Variants in SLC9A9 observed in about 807,000 individuals in gnomAD.
SLC9A9 encodes solute carrier family 9 member A9, also known as sodium/hydrogen exchanger 9.
SLC9A9 carries 62 observed loss-of-function variants against 77.8 expected under a neutral mutation model. The observed-to-expected ratio is 0.80, with a 90% CI of 0.65 to 0.98. The LOEUF (loss-of-function observed/expected upper bound fraction) is 0.98. SLC9A9 is among the 50% of genes least tolerant of loss of function. SLC9A9 has a pLI of 0.00. For synonymous variants in SLC9A9, 320 were observed against 283.5 expected, an observed-to-expected ratio of 1.13 and a Z score of -1.29; for missense variants, 775 against 774.9, an observed-to-expected ratio of 1.00 and a Z score of 0.00.
At position 143,686,222 on chromosome 3, in the gene SLC9A9, G is replaced by A. The variant is rs190824694; in HGVS notation, c.649+6970C>T. Reference sequence around the variant, plus strand: ...GTTGTATTAATTCACTGATTTAACAGGTATTTATTAAAAGCTCGCTGTTCT... The same window carrying A: ...GTTGTATTAATTCACTGATTTAACAAGTATTTATTAAAAGCTCGCTGTTCT... On this transcript the variant is annotated intron_variant, in intron 5 of 15. Transcript: ENST00000316549. 5.3e-5 allele frequency among the ~76,000 whole-genome samples: 8 copies of A among 152,190 alleles called. No individual in the cohort carries two copies. The East Asian group carries it at 1.5e-3, about 29-fold the overall frequency.
chr3:143,304,319 C>G (rs2030678475), intron 14 of SLC9A9, among the ~76,000 whole-genome samples: 1 of 152,204 alleles, frequency 6.6e-6, no homozygotes, highest in Admixed American at 6.5e-5. Context: ...CTGAGCCATC[C>G]AAGAAACACC....
chr3:143,320,612 A>G (rs2031383609), intron 14 of SLC9A9, among the ~76,000 whole-genome samples: 1 of 152,168 alleles, frequency 6.6e-6, no homozygotes, highest in Non-Finnish European at 1.5e-5. Flanking sequence ...GAACTACCAG[A>G]GGCAGAACTC....
intron 6 of SLC9A9, among the ~76,000 whole-genome samples, chr3:143,602,394 G>T (rs1459866235): frequency 2.0e-5 from 3 of 152,182 alleles, no homozygotes; most frequent in Non-Finnish European, 2.9e-5. Context: ...CACCTCTTAA[G>T]ATGTTCTCTC....
chr3:143,315,173 A>C (rs998139233), intron 14 of SLC9A9, among the ~76,000 whole-genome samples: 1 of 152,200 alleles, frequency 6.6e-6, no homozygotes, highest in Non-Finnish European at 1.5e-5. Flanking sequence ...TTTGAGGATA[A>C]ATTTAAAGTA....
intron 1 of SLC9A9, among the ~76,000 whole-genome samples, chr3:143,847,309 C>T (rs2009850629): frequency 6.6e-6 from 1 of 152,178 alleles, no homozygotes; most frequent in Non-Finnish European, 1.5e-5. Context: ...GTGAAGTAAA[C>T]TATTTCATCA....
intron 4 of SLC9A9, among the ~76,000 whole-genome samples, chr3:143,778,905 A>G (rs968814871): frequency 6.6e-6 from 1 of 152,204 alleles, no homozygotes; most frequent in Non-Finnish European, 1.5e-5. Flanking sequence ...TGCTCTGTGT[A>G]TGTAATTTTC....
intron 4 of SLC9A9, among the ~76,000 whole-genome samples, chr3:143,748,994 C>T (rs1452321248): frequency 2.6e-5 from 4 of 152,094 alleles, no homozygotes; most frequent in Non-Finnish European, 4.4e-5. Flanking sequence ...TGAGCCACCG[C>T]GCCCGGCCTG....
chr3:143,351,091 A>G (rs907269482), intron 14 of SLC9A9, among the ~76,000 whole-genome samples: 11 of 152,168 alleles, frequency 7.2e-5, no homozygotes, highest in Non-Finnish European at 1.0e-4. Context: ...AAGGTTTTAA[A>G]ACCTTTTTGA....
chr3:143,281,118 A>G (rs1938204929), intron 14 of SLC9A9, among the ~76,000 whole-genome samples: 1 of 152,198 alleles, frequency 6.6e-6, no homozygotes, highest in East Asian at 1.9e-4. Flanking sequence ...TTCTACACTG[A>G]AACACAGGAA....
chr3:143,698,981 C>A (rs2108787063), intron 4 of SLC9A9, among the ~76,000 whole-genome samples: 1 of 152,280 alleles, frequency 6.6e-6, no homozygotes, highest in Middle Eastern at 3.4e-3. Flanking sequence ...ATTTTATACC[C>A]AAATGTCCTT....
chr3:143,295,791 T>A (rs2030239058), intron 14 of SLC9A9, among the ~76,000 whole-genome samples: 1 of 152,156 alleles, frequency 6.6e-6, no homozygotes, highest in Non-Finnish European at 1.5e-5. Flanking sequence ...CCATTTCCAA[T>A]ATACCTGTAA....
chr3:143,734,384 A>G (rs776096331), intron 4 of SLC9A9, among the ~76,000 whole-genome samples: 66 of 152,232 alleles, frequency 4.3e-4, no homozygotes, highest in Non-Finnish European at 7.2e-4. Flanking sequence ...TAAAATGTAT[A>G]GAAAAAAAAG....
At chr3:143,375,462 A>G (rs912541703) in intron 13 of SLC9A9, among the ~76,000 whole-genome samples, 3 of 152,216 alleles carry the variant, frequency 2.0e-5, no homozygotes, top group South Asian at 2.1e-4. Context: ...GCTCAGCCTC[A>G]AGAAACCTTG....
At chr3:143,726,522 T>G (rs1214592474) in intron 4 of SLC9A9, among the ~76,000 whole-genome samples, 1 of 152,212 alleles carries the variant, frequency 6.6e-6, no homozygotes, top group Non-Finnish European at 1.5e-5. Flanking sequence ...AGATTACCTT[T>G]TTTGTCTCAT....
At chr3:143,309,043 T>A (rs944886812) in intron 14 of SLC9A9, among the ~76,000 whole-genome samples, 10 of 152,108 alleles carry the variant, frequency 6.6e-5, no homozygotes, top group Non-Finnish European at 1.2e-4. Context: ...ATGAGCAAGG[T>A]CTTCATGTTC....
chr3:143,308,518 G>C (rs1458643510), intron 14 of SLC9A9, among the ~76,000 whole-genome samples: 2 of 151,936 alleles, frequency 1.3e-5, no homozygotes, highest in Non-Finnish European at 2.9e-5. Context: ...GGAGCTTGCA[G>C]TGAGCCGAGA....
chr3:143,482,014 C>T (rs928037321), intron 11 of SLC9A9, among the ~76,000 whole-genome samples: 3 of 152,168 alleles, frequency 2.0e-5, no homozygotes, highest in Non-Finnish European at 4.4e-5. Flanking sequence ...ATGGCTTGAT[C>T]AGTTGGTCAC....
intron 4 of SLC9A9, among the ~76,000 whole-genome samples, chr3:143,790,034 C>G (rs2008171147): frequency 6.6e-6 from 1 of 152,022 alleles, no homozygotes; most frequent in South Asian, 2.1e-4. Context: ...GGGGAGGGAC[C>G]TTGTGGGAGG....
intron 14 of SLC9A9, among the ~76,000 whole-genome samples, chr3:143,274,853 C>G (rs888474006): frequency 6.6e-6 from 1 of 152,174 alleles, no homozygotes. Context: ...TTCTGACCTC[C>G]CATTTACAAA....
Sources: gnomAD v4.1 joint callset for allele counts (sites outside exome capture counted in the v4.1 genomes callset) on GRCh38, gnomAD v4.1.1 for gene constraint, MANE v1.5 for transcripts, NCBI Gene and HGNC (gene_info 2026-07-23, HGNC 2026-07-21) for gene names.